The following NAV2 variants were observed in gnomAD, a reference collection of about 807,000 sequenced individuals.
NAV2 encodes the protein neuron navigator 2, also known as helicase, APC down-regulated 1.
In NAV2, 54 loss-of-function variants were observed where a neutral mutation model predicts 223.2. The observed-to-expected ratio is 0.24, with a 90% CI of 0.19 to 0.30. The LOEUF (loss-of-function observed/expected upper bound fraction) is 0.30. Ranked by LOEUF, NAV2 falls within the 10% of genes least tolerant of loss-of-function variation. The probability of loss-of-function intolerance (pLI) is 1.00; values close to 1 mark genes in which losing one functional copy is unlikely to be tolerated. For synonymous variants in NAV2, 1,279 were observed against 1,239.3 expected, an observed-to-expected ratio of 1.03 and a Z score of -0.67; for missense variants, 2,806 against 3,147.5, an observed-to-expected ratio of 0.89 and a Z score of 2.60.
intron 1 of NAV2, among the ~76,000 whole-genome samples, chr11:19,417,135 G>A (rs3108802): frequency 0.7 from 106,194 of 151,814 alleles, 37,197 homozygotes; most frequent in Admixed American, 0.72. Context: ...ACAGCAAAAG[G>A]AACTATCATC....
At position 20,089,826 on chromosome 11, in the gene NAV2, G is replaced by A. The variant is rs377618575; in HGVS notation, c.5499-1039G>A. Among the ~76,000 whole-genome samples the A allele has an allele frequency of 1.1e-4, 16 of 152,304 alleles. No individual in the cohort carries two copies. In the East Asian group the frequency reaches 1.9e-3, roughly 18 times the overall value. On this transcript the variant is annotated intron_variant, in intron 26 of 37. Transcript: ENST00000349880. ...CCAGGTGTTTGAAGAGCAAACCTAA[G>A]TAACTAAGGAGCCTAAGCTAGAAGA...
At chr11:19,985,886 TCTTA>T (rs2050754773) in intron 11 of NAV2, among the ~76,000 whole-genome samples, 1 of 152,214 alleles carries the variant, frequency 6.6e-6, no homozygotes, top group East Asian at 1.9e-4. Flanking sequence ...TGAGAACTGC[TCTTA>T]CTAAGGAGAA....
At chr11:19,902,749 C>T (rs1255526630) in intron 6 of NAV2, among the ~76,000 whole-genome samples, 3 of 152,198 alleles carry the variant, frequency 2.0e-5, no homozygotes, top group Non-Finnish European at 2.9e-5. Flanking sequence ...ATCAAGCTCT[C>T]ATCTGTAGTC....
At chr11:19,592,620 A>G (rs2046092941) in intron 1 of NAV2, among the ~76,000 whole-genome samples, 1 of 152,194 alleles carries the variant, frequency 6.6e-6, no homozygotes, top group Non-Finnish European at 1.5e-5. Flanking sequence ...CTGGGTAAGC[A>G]AACTTAGACA....
At chr11:19,545,752 A>AT (rs150408848) in intron 1 of NAV2, among the ~76,000 whole-genome samples, 11 of 137,846 alleles carry the variant, frequency 8.0e-5, no homozygotes, top group South Asian at 2.2e-4. Context: ...ACACTTTGGG[A>AT]TTTTTTTTGC....
intron 1 of NAV2, among the ~76,000 whole-genome samples, chr11:19,397,632 G>A (rs1196638630): frequency 6.6e-6 from 1 of 151,978 alleles, no homozygotes; most frequent in African/African-American, 2.4e-5. Flanking sequence ...AACAAGTATT[G>A]GTTTTATAAT....
intron 1 of NAV2, among the ~76,000 whole-genome samples, chr11:19,661,021 C>T (rs2048264260): frequency 6.6e-6 from 1 of 152,056 alleles, no homozygotes; most frequent in Non-Finnish European, 1.5e-5. Context: ...GTCGTGCAAC[C>T]ATCTCTACCA....
Position 19,660,629 on chromosome 11 carries a change from T to C in NAV2, c.76-171855T>C, listed in dbSNP as rs977235061. On this transcript the variant is annotated intron_variant, in intron 1 of 37. Coordinates refer to the NAV2 transcript ENST00000360655. ...GACACCTAGACAGCGTTCCTCAACCTTTCTGATCCCATGTCCTGCCAGTCG... is the reference window on the plus strand; with the variant it reads ...GACACCTAGACAGCGTTCCTCAACCCTTCTGATCCCATGTCCTGCCAGTCG... 2.6e-5 allele frequency among the ~76,000 whole-genome samples: 4 copies of C among 152,288 alleles called. No homozygotes were observed. The Middle Eastern group carries it at 0.01, about 388-fold the overall frequency.
chr11:20,090,745 A>T, intron 26 of NAV2, 120 bp from the exon 27 acceptor site: 2 of 982,602 alleles, frequency 2.0e-6, no homozygotes, highest in South Asian at 3.8e-5. Flanking sequence ...ACCCACAGGA[A>T]GCACCAGGCA....
At chr11:20,097,861 G>T (rs2289562) in intron 31 of NAV2, 116 bp downstream of exon 31, 153,719 of 892,414 alleles carry the variant, frequency 0.17, 15,390 homozygotes, top group South Asian at 0.37. Context: ...TGGGCTGCTT[G>T]TCTCCCTTCT....
At chr11:19,641,409 T>C (rs1319658369) in intron 1 of NAV2, among the ~76,000 whole-genome samples, 2 of 152,120 alleles carry the variant, frequency 1.3e-5, no homozygotes, top group African/African-American at 4.8e-5. Flanking sequence ...ATGCCTGGAA[T>C]ACTGCAGGAG....
In NAV2 at chr11:20,048,882, A is replaced by C. The variant is rs952849184; in HGVS notation, c.4057A>C (p.Ser1353Arg). The change falls in exon 15 of 38, where the codon AGT becomes CGT. Residue 1353 changes from serine to arginine, a missense_variant. Physicochemically the swap from Ser to Arg is moderately radical, Grantham distance 110. This residue lies in a region of NAV2 where 742 missense variants were observed against 777.9 expected (regional missense o/e 0.95). Coordinates refer to ENST00000349880, the MANE Select transcript of NAV2 (RefSeq NM_145117.5). ...TGGCGTCCTGAGCAGTGGGAGCAGCAGTCCTCTCTACAGCAAGAATGTGGA... is the reference window on the plus strand; with the variant it reads ...TGGCGTCCTGAGCAGTGGGAGCAGCCGTCCTCTCTACAGCAAGAATGTGGA... ...GSGVLSSGSSSPLYSKNVDLN... is the reference protein window; with the variant it reads ...GSGVLSSGSSRPLYSKNVDLN... The C allele has an allele frequency of 6.8e-6, 11 of 1,614,090 alleles. No individual in the cohort carries two copies. Among genetic ancestry groups the C allele is most frequent in the South Asian group, 1.1e-5 (1 of 91,078 alleles).
chr11:20,093,159 A>G lies in NAV2; in HGVS notation c.5876A>G (p.Lys1959Arg). Reference protein sequence around the residue: ...SARKEGGRHVKIVVSFQEEMK... With the variant: ...SARKEGGRHVRIVVSFQEEMK... ...CGGAAGGAAGGAGGCAGGCATGTTA[A>G]GATAGTTGTCAGCTTTCAGGAGGAA... Residue 1959 changes from lysine to arginine, a missense_variant, in exon 29 of 38, where the codon AAG becomes AGG. Around this residue, in one of 4 missense-constraint regions of NAV2, gnomAD observed 824 missense variants for 1,069.4 expected, o/e 0.77. Coordinates refer to ENST00000349880, the MANE Select transcript of NAV2 (RefSeq NM_145117.5). The G allele has an allele frequency of 6.2e-7, 1 of 1,614,100 alleles. No individual in the cohort carries two copies. Among genetic ancestry groups the G allele is most frequent in the East Asian group, 2.2e-5 (1 of 44,886 alleles).
At chr11:19,994,072 T>C (rs2153471838) in intron 11 of NAV2, among the ~76,000 whole-genome samples, 1 of 152,316 alleles carries the variant, frequency 6.6e-6, no homozygotes, top group South Asian at 2.1e-4. Context: ...GGGGACTGCA[T>C]ATGGTCCTAT....
At chr11:19,424,803 A>G (rs1308267356) in intron 1 of NAV2, among the ~76,000 whole-genome samples, 1 of 152,052 alleles carries the variant, frequency 6.6e-6, no homozygotes, top group African/African-American at 2.4e-5. Context: ...CGCCCACCTC[A>G]GCCTCCCAAA....
intron 24 of NAV2, among the ~76,000 whole-genome samples, chr11:20,078,900 T>C (rs4757032): frequency 0.89 from 135,306 of 152,238 alleles, 60,232 homozygotes; most frequent in East Asian, 0.96. Context: ...ATTTATGGAA[T>C]ACTTACTACG....
chr11:19,471,205 T>A (rs148654177), intron 1 of NAV2, among the ~76,000 whole-genome samples: 6 of 152,220 alleles, frequency 3.9e-5, no homozygotes, highest in African/African-American at 1.4e-4. Flanking sequence ...GGGATGGGGA[T>A]CCATGTCAAC....
intron 1 of NAV2, among the ~76,000 whole-genome samples, chr11:19,457,099 A>T (rs1851982962): frequency 6.6e-6 from 1 of 152,206 alleles, no homozygotes; most frequent in South Asian, 2.1e-4. Context: ...AGGCTCAGGG[A>T]TACAGGGATA....
At chr11:19,651,926 G>A (rs2047980024) in intron 1 of NAV2, among the ~76,000 whole-genome samples, 1 of 152,066 alleles carries the variant, frequency 6.6e-6, no homozygotes, top group Non-Finnish European at 1.5e-5. Flanking sequence ...AAGCATAATA[G>A]GATATGCTTT....
Sources: gnomAD v4.1 joint callset for allele counts (sites outside exome capture counted in the v4.1 genomes callset) on GRCh38, gnomAD v4.1.1 for gene constraint, gnomAD v4.1.1 regional missense constraint, MANE v1.5 for transcripts, NCBI Gene and HGNC (gene_info 2026-07-23, HGNC 2026-07-21) for gene names.